RNF182: variants seen among roughly 807,000 people sequenced by gnomAD.
The protein encoded by RNF182 is ring finger protein 182.
RNF182 carries 15 observed loss-of-function variants against 14.4 expected under a neutral mutation model. The observed-to-expected ratio is 1.04, with a 90% CI of 0.70 to 1.60. The LOEUF (loss-of-function observed/expected upper bound fraction) is 1.60. RNF182 is among the 40% of genes most tolerant of loss of function. The pLI, the probability that RNF182 is intolerant of heterozygous loss-of-function variation, is 0.00. For missense variants in RNF182, 268 were observed against 294.8 expected (o/e 0.91, Z 0.67); for synonymous variants, 128 against 122.9 (o/e 1.04, Z -0.27).
intron 1 of RNF182, among the ~76,000 whole-genome samples, chr6:13,940,279 C>T (rs915491244): frequency 1.3e-5 from 2 of 152,118 alleles, no homozygotes; most frequent in African/African-American, 2.4e-5. Flanking sequence ...TTTGTTCCTC[C>T]TTTATTTTGT....
intron 1 of RNF182, among the ~76,000 whole-genome samples, chr6:13,944,804 G>A (rs1211816686): frequency 6.6e-6 from 1 of 152,202 alleles, no homozygotes; most frequent in Non-Finnish European, 1.5e-5. Context: ...CATATAGTCA[G>A]TGATCAGTGG....
intron 1 of RNF182, among the ~76,000 whole-genome samples, chr6:13,926,000 A>G (rs1462167049): frequency 2.0e-5 from 3 of 152,150 alleles, no homozygotes; most frequent in Non-Finnish European, 2.9e-5. Flanking sequence ...ATCATCTTAC[A>G]TGTAGTAATA....
chr6:13,945,571 A>T (rs1050990162), intron 1 of RNF182, among the ~76,000 whole-genome samples: 4 of 152,172 alleles, frequency 2.6e-5, no homozygotes, highest in African/African-American at 9.7e-5. Context: ...AACAACCAAC[A>T]TGGATAAACA....
At chr6:13,948,499 CA>C (rs1362316980) in intron 1 of RNF182, among the ~76,000 whole-genome samples, 2 of 151,998 alleles carry the variant, frequency 1.3e-5, no homozygotes, top group Non-Finnish European at 2.9e-5. Flanking sequence ...TTAAATAACC[CA>C]AAAAATGTCA....
At chr6:13,964,998 T>C (rs1759982709) in intron 1 of RNF182, among the ~76,000 whole-genome samples, 1 of 152,004 alleles carries the variant, frequency 6.6e-6, no homozygotes, top group Non-Finnish European at 1.5e-5. Context: ...TGAACCCCAG[T>C]GATATAACAA....
At chr6:13,951,650 A>G (rs115949945) in intron 1 of RNF182, among the ~76,000 whole-genome samples, 62 of 152,344 alleles carry the variant, frequency 4.1e-4, no homozygotes, top group African/African-American at 1.4e-3. Context: ...CAGAAGCCTG[A>G]CTGGTAGGAA....
At chr6:13,942,972 T>A (rs1380133625) in intron 1 of RNF182, among the ~76,000 whole-genome samples, 2 of 152,208 alleles carry the variant, frequency 1.3e-5, no homozygotes, top group Non-Finnish European at 2.9e-5. Context: ...TTAGTTAAAT[T>A]CACAGAGTTC....
At chr6:13,947,009 A>G (rs1219477460) in intron 1 of RNF182, among the ~76,000 whole-genome samples, 1 of 152,212 alleles carries the variant, frequency 6.6e-6, no homozygotes, top group Admixed American at 6.5e-5. Flanking sequence ...AAAGAGTACA[A>G]CAGCAATATA....
intron 1 of RNF182, among the ~76,000 whole-genome samples, chr6:13,956,601 C>G (rs1394805333): frequency 6.6e-6 from 1 of 152,050 alleles, no homozygotes; most frequent in East Asian, 1.9e-4. Flanking sequence ...CTGGGATTAC[C>G]TGCGTGAGCC....
upstream of RNF182, chr6:13,924,886 A>T (rs1324124866): frequency 1.4e-5 from 2 of 143,648 alleles, no homozygotes; most frequent in Non-Finnish European, 3.1e-5. Context: ...TCGGCGGCTC[A>T]GCGCCGTAGA....
intron 1 of RNF182, among the ~76,000 whole-genome samples, chr6:13,960,646 G>GAGAGAGAGAGA (rs1561784304): frequency 1.9e-3 from 282 of 148,134 alleles, no homozygotes; most frequent in African/African-American, 7.0e-3. Flanking sequence ...TTTGATGGAG[G>GAGAGAGAGAGA]GAGAGAGAGA....
Position 13,957,339 on chromosome 6 carries a change from A to G in RNF182, c.-366-16871A>G, listed in dbSNP as rs141489029. Reference sequence around the variant, plus strand: ...TTGATTCTAAAAGGCCTATTGAGAAAAGCCACTGAGGGCAAATAAATTCAA... The same window carrying G: ...TTGATTCTAAAAGGCCTATTGAGAAGAGCCACTGAGGGCAAATAAATTCAA... On this transcript the variant is annotated intron_variant, in intron 1 of 2. Coordinates refer to ENST00000488300, the MANE Select transcript of RNF182 (RefSeq NM_152737.4). 2.7e-3 allele frequency among the ~76,000 whole-genome samples: 410 copies of G among 152,352 alleles called. 4 individuals carry two copies. The highest frequency in any genetic ancestry group is 9.4e-3 in the African/African-American group (390 of 41,592).
At chr6:13,931,691 C>T (rs1758974387) in intron 1 of RNF182, among the ~76,000 whole-genome samples, 1 of 151,556 alleles carries the variant, frequency 6.6e-6, no homozygotes. Context: ...AGAAGCCAGA[C>T]AGCCTGGATT....
At chr6:13,951,369 T>G (rs1759587455) in intron 1 of RNF182, among the ~76,000 whole-genome samples, 2 of 152,182 alleles carry the variant, frequency 1.3e-5, no homozygotes, top group South Asian at 4.2e-4. Context: ...ATTTTTATAC[T>G]GGATCCTTGA....
Position 13,977,898 on chromosome 6 carries a change from C to T in RNF182, c.*35C>T, listed in dbSNP as rs2113655702. ...AAAATAAGAAATTGGACACACATTG[C>T]CCTGTTTGAGTGTGAAGTTAGATAA... On this transcript the variant is annotated 3_prime_UTR_variant, in exon 3 of 3. Transcript: ENST00000488300. 1.9e-6 allele frequency: 3 copies of T among 1,555,044 alleles called. No individual in the cohort carries two copies. The East Asian group carries it at 6.8e-5, about 35-fold the overall frequency.
chr6:13,957,413 T>G (rs280176), intron 1 of RNF182, among the ~76,000 whole-genome samples: 126,264 of 152,208 alleles, frequency 0.83, 52,876 homozygotes, highest in Middle Eastern at 0.92. Flanking sequence ...TTGGATTAAG[T>G]CATGTATTAA....
At chr6:13,951,431 T>C (rs1002959342) in intron 1 of RNF182, among the ~76,000 whole-genome samples, 2 of 152,278 alleles carry the variant, frequency 1.3e-5, no homozygotes, top group African/African-American at 4.8e-5. Context: ...TATCTCTCAG[T>C]TGGGGTGGGG....
chr6:13,930,551 C>A (rs1190720478), intron 1 of RNF182, among the ~76,000 whole-genome samples: 1 of 152,196 alleles, frequency 6.6e-6, no homozygotes, highest in Non-Finnish European at 1.5e-5. Context: ...CTCTGCATGT[C>A]CCTCCTCTGA....
chr6:13,973,778 G>A (rs961517506), intron 1 of RNF182, among the ~76,000 whole-genome samples: 2 of 152,176 alleles, frequency 1.3e-5, no homozygotes, highest in African/African-American at 4.8e-5. Context: ...AGCAGCATGA[G>A]AATGGACTAA....
Sources: gnomAD v4.1 joint callset for allele counts (sites outside exome capture counted in the v4.1 genomes callset) on GRCh38, gnomAD v4.1.1 for gene constraint, MANE v1.5 for transcripts, NCBI Gene and HGNC (gene_info 2026-07-23, HGNC 2026-07-21) for gene names.